Variants in FBXO10 observed in about 807,000 individuals in gnomAD.
The protein encoded by FBXO10 is F-box only protein 10.
In FBXO10, 39 loss-of-function variants were observed where a neutral mutation model predicts 80.7. The observed-to-expected ratio is 0.48, with a 90% CI of 0.37 to 0.63. The LOEUF (loss-of-function observed/expected upper bound fraction) is 0.63, where lower values mean the gene tolerates loss of function less well. Ranked by LOEUF, FBXO10 falls within the 30% of genes least tolerant of loss-of-function variation. The probability of loss-of-function intolerance (pLI) is 0.00; values close to 1 mark genes in which losing one functional copy is unlikely to be tolerated. For missense variants in FBXO10, 1,025 were observed against 1,269.0 expected (o/e 0.81, Z 2.92); for synonymous variants, 449 against 489.6 (o/e 0.92, Z 1.09).
intron 1 of FBXO10, among the ~76,000 whole-genome samples, chr9:37,574,128 T>C (rs192335218): frequency 2.0e-5 from 3 of 152,296 alleles, no homozygotes; most frequent in Admixed American, 1.3e-4. Context: ...ACTCCCTATC[T>C]ACATCATCAG....
At position 37,517,343 on chromosome 9, in the gene FBXO10, A is replaced by T. The variant is rs139209608; in HGVS notation, c.2514+782T>A. On this transcript the variant is annotated intron_variant, in intron 9 of 10. Transcript: ENST00000432825. ...ATCCATATAACCAAAAACCACCTGT[A>T]CCCCAAAAACTGTTGAACTAAAAAT... Among the ~76,000 whole-genome samples the T allele has an allele frequency of 5.8e-3, 886 of 152,298 alleles. 12 individuals carry two copies. The highest frequency in any genetic ancestry group is 0.02 in the African/African-American group (821 of 41,554).
intron 8 of FBXO10, among the ~76,000 whole-genome samples, chr9:37,519,118 C>T (rs1158403644): frequency 6.6e-6 from 1 of 152,092 alleles, no homozygotes; most frequent in Non-Finnish European, 1.5e-5. Flanking sequence ...ACCGTGTTAG[C>T]CAGGATGGTC....
chr9:37,531,867 A>G, intron 4 of FBXO10, 42 bp downstream of exon 4: 1 of 1,603,982 alleles, frequency 6.2e-7, no homozygotes, highest in South Asian at 1.1e-5. Flanking sequence ...ATGGTTTCTG[A>G]AAACCAAGAG....
In FBXO10 at chr9:37,515,892, C is replaced by G; in HGVS notation, c.2696+12G>C. The G allele has an allele frequency of 6.2e-7, 1 of 1,612,082 alleles. No homozygotes were observed. Among genetic ancestry groups the G allele is most frequent in the Non-Finnish European group, 8.5e-7 (1 of 1,178,854 alleles). ...CTCTAGAGGACTCGTTCAGGCAACCCCAAGCACTCACTTTTTCTTGAAGAC... is the reference window on the plus strand; with the variant it reads ...CTCTAGAGGACTCGTTCAGGCAACCGCAAGCACTCACTTTTTCTTGAAGAC... On this transcript the variant is annotated intron_variant, in intron 10 of 10. Coordinates refer to ENST00000432825, the MANE Select transcript of FBXO10 (RefSeq NM_012166.3).
At chr9:37,567,632 T>C (rs1822643619) in intron 1 of FBXO10, among the ~76,000 whole-genome samples, 1 of 152,192 alleles carries the variant, frequency 6.6e-6, no homozygotes, top group African/African-American at 2.4e-5. Context: ...TCCTATATCA[T>C]CACTTCACAA....
rs541060303 is a variant in FBXO10 at position 37,512,655 on chromosome 9, G to A, written c.2763C>T (p.Pro921=). 1 of 1,613,996 alleles carries A rather than the reference G, an allele frequency of 6.2e-7. No individual in the cohort carries two copies. Among genetic ancestry groups the A allele is most frequent in the African/African-American group, 1.3e-5 (1 of 75,048 alleles). Reference sequence around the variant, plus strand: ...CCTTCTGCCCATTGTGGGCTGCCGAGGGACGTCTGAGAGAATTTTCAAGGT... The same window carrying A: ...CCTTCTGCCCATTGTGGGCTGCCGAAGGACGTCTGAGAGAATTTTCAAGGT... ...RPHLENSLRR[P]SAAHNGQKVT... The change falls in exon 11 of 11, where the codon CCC becomes CCT. Residue 921 remains proline (P), a synonymous_variant. Transcript: ENST00000432825.
At position 37,541,188 on chromosome 9, in the gene FBXO10, T is replaced by C; in HGVS notation, c.581A>G (p.Tyr194Cys). ...TCTATTGATGTGGATACCCACCTTA[T>C]ACATGATGGGTGAGAACCAGGCTGG... ...FTPAWFSPIM[Y>C]KTTSGHVQFD... The change falls in exon 2 of 11, where the codon TAT (tyrosine) becomes TGT (cysteine). Residue 194 changes from tyrosine to cysteine, a missense_variant. By Grantham distance (194) the Tyr-to-Cys change is radical. Coordinates refer to ENST00000432825, the MANE Select transcript of FBXO10 (RefSeq NM_012166.3). The C allele has an allele frequency of 1.9e-6, 3 of 1,598,110 alleles. No individual in the cohort carries two copies. The highest frequency in any genetic ancestry group is 2.6e-6 in the Non-Finnish European group (3 of 1,172,788).
In FBXO10 at chr9:37,523,517, C is replaced by T. The variant is rs927519657; in HGVS notation, c.1778-540G>A. Among the ~76,000 whole-genome samples the T allele has an allele frequency of 4.6e-5, 7 of 152,218 alleles. No individual in the cohort carries two copies. The East Asian group carries it at 9.7e-4, about 21-fold the overall frequency. ...GCAGTGGGCTATAATCGAGCCACTG[C>T]ACTCTGGCCTGGATGACAGACTGAG... On this transcript the variant is annotated intron_variant, in intron 6 of 10. Coordinates refer to ENST00000432825, the MANE Select transcript of FBXO10 (RefSeq NM_012166.3).
At chr9:37,531,277 T>A (rs747418199) in intron 4 of FBXO10, among the ~76,000 whole-genome samples, 1 of 152,166 alleles carries the variant, frequency 6.6e-6, no homozygotes, top group African/African-American at 2.4e-5. Context: ...TCTCTCAGTA[T>A]ACATGTAACA....
chr9:37,571,124 G>A (rs756791859), intron 1 of FBXO10, among the ~76,000 whole-genome samples: 6 of 152,110 alleles, frequency 3.9e-5, no homozygotes, highest in Admixed American at 6.6e-5. Flanking sequence ...CATTGAGTCT[G>A]TGGTCAAAAA....
intron 9 of FBXO10, among the ~76,000 whole-genome samples, chr9:37,517,482 A>T (rs1041072321): frequency 3.7e-5 from 4 of 106,718 alleles, no homozygotes; most frequent in African/African-American, 2.1e-4. Flanking sequence ...TCCGGTGGGG[A>T]GACAAATAGG....
At chr9:37,515,753 G>C in intron 10 of FBXO10, 151 bp downstream of exon 10, 1 of 786,216 alleles carries the variant, frequency 1.3e-6, no homozygotes, top group Non-Finnish European at 2.1e-6. Flanking sequence ...GCCTGACATA[G>C]AGCCAGGCAC....
intron 4 of FBXO10, 94 bp downstream of exon 4, chr9:37,531,815 C>T (rs1233733352): frequency 2.7e-5 from 38 of 1,419,594 alleles, no homozygotes; most frequent in Non-Finnish European, 3.4e-5. Context: ...ACAGGAAGCA[C>T]GTAAATACAA....
Position 37,537,133 on chromosome 9 carries a change from C to T in FBXO10, c.1396G>A (p.Val466Met). Reference protein sequence around the residue: ...GNIFRNLTYAVRCIHNSKIIM... With the variant: ...GNIFRNLTYAMRCIHNSKIIM... ...ACCTTGCTATTATGTATACACCGCA[C>T]TGCGTAAGTCAGGTTCCGGAAGATG... Residue 466 changes from valine (V) to methionine (M), a missense_variant, in exon 3 of 11, where the codon GTG becomes ATG. Around this residue, in one of 3 missense-constraint regions of FBXO10, gnomAD observed 478 missense variants for 667.8 expected, o/e 0.72. Transcript: ENST00000432825. The T allele has an allele frequency of 6.2e-7, 1 of 1,612,856 alleles. No individual in the cohort carries two copies. Among genetic ancestry groups the T allele is most frequent in the Non-Finnish European group, 8.5e-7 (1 of 1,179,296 alleles).
Position 37,518,324 on chromosome 9 carries a change from G to A in FBXO10, c.2315C>T (p.Ala772Val). 1.2e-6 allele frequency: 2 copies of A among 1,614,036 alleles called. No homozygotes were observed. Among genetic ancestry groups the A allele is most frequent in the Non-Finnish European group, 1.7e-6 (2 of 1,179,904 alleles). ...CCGGTTGCAGGAGATGCTGTTGTTGGCCACTCGGGTGGGTTGGCTGCTCTG... is the reference window on the plus strand; with the variant it reads ...CCGGTTGCAGGAGATGCTGTTGTTGACCACTCGGGTGGGTTGGCTGCTCTG... ...VAQSSQPTRV[A>V]NNSISCNRQS... The change falls in exon 9 of 11, where the codon GCC (alanine) becomes GTC (valine). Residue 772 changes from alanine (A) to valine (V), a missense_variant. Ala to Val is a moderately conservative substitution (Grantham distance 64). Transcript: ENST00000432825.
chr9:37,567,938 C>G (rs780480924), intron 1 of FBXO10, among the ~76,000 whole-genome samples: 2 of 152,144 alleles, frequency 1.3e-5, no homozygotes, highest in Middle Eastern at 6.3e-3. Context: ...CAGTCCTCTA[C>G]CTCACAGGAT....
At chr9:37,569,845 C>A (rs1427557322) in intron 1 of FBXO10, among the ~76,000 whole-genome samples, 6 of 152,078 alleles carry the variant, frequency 3.9e-5, no homozygotes, top group Non-Finnish European at 5.9e-5. Context: ...ACAAACAAAC[C>A]AACCAACCAA....
intron 1 of FBXO10, among the ~76,000 whole-genome samples, chr9:37,549,759 C>A (rs1822144507): frequency 6.6e-6 from 1 of 152,218 alleles, no homozygotes. Context: ...CTGTCACCTG[C>A]ACTTCCTGCA....
chr9:37,537,236 G>A lies in FBXO10; in HGVS notation c.1293C>T (p.Leu431=), dbSNP rs199569952. 1.9e-4 allele frequency: 303 copies of A among 1,613,940 alleles called. 5 individuals are homozygous for A. The Admixed American group carries it at 4.8e-3, about 26-fold the overall frequency. The change falls in exon 3 of 11, where the codon CTC becomes CTT. Residue 431 remains leucine (L), a synonymous_variant. Coordinates refer to ENST00000432825, the MANE Select transcript of FBXO10 (RefSeq NM_012166.3). ...CGTCCCGGAAGAGGCACTTGCGGAT[G>A]AGGCAGCCCTGCACGGAGTTGGCCA... ...MALANSVQGC[L]IRKCLFRDGK... is the part of the protein sequence containing the mutation.
Sources: allele counts gnomAD v4.1 joint callset (sites outside exome capture counted in the v4.1 genomes callset), GRCh38; gene constraint gnomAD v4.1.1; regional missense constraint gnomAD v4.1.1; transcripts MANE v1.5; gene names NCBI Gene and HGNC (gene_info 2026-07-23, HGNC 2026-07-21).